ERBB4: variants seen among roughly 807,000 people sequenced by gnomAD.
The protein encoded by ERBB4 is erb-b2 receptor tyrosine kinase 4.
Under a neutral mutation model 158.0 loss-of-function variants are expected in ERBB4, and 42 were observed. That is an observed-to-expected ratio of 0.27 (90% CI 0.21 to 0.34). The LOEUF is 0.34. Ranked by LOEUF, ERBB4 falls within the 10% of genes least tolerant of loss-of-function variation. The pLI is 1.00. For synonymous variants in ERBB4, 583 were observed against 558.7 expected (o/e 1.04, Z -0.61); for missense variants, 1,333 against 1,624.1 (o/e 0.82, Z 3.08).
chr2:212,064,023 A>G (rs952493370), intron 2 of ERBB4, among the ~76,000 whole-genome samples: 1 of 152,170 alleles, frequency 6.6e-6, no homozygotes, highest in Non-Finnish European at 1.5e-5. Context: ...AGAGATATGT[A>G]TAAGACACAA....
chr2:212,457,912 T>C lies in ERBB4; in HGVS notation c.82+80537A>G, dbSNP rs963761472. Reference sequence around the variant, plus strand: ...GGCACCCTAGTAATATTTACAAGGATTTTTCTTTGCTAAGGTAAATATTTA... The same window carrying C: ...GGCACCCTAGTAATATTTACAAGGACTTTTCTTTGCTAAGGTAAATATTTA... On this transcript the variant is annotated intron_variant, in intron 1 of 27. Coordinates refer to ENST00000342788, the MANE Select transcript of ERBB4 (RefSeq NM_005235.3). Among the ~76,000 whole-genome samples, 4 of 152,024 alleles carry C rather than the reference T, an allele frequency of 2.6e-5. 1 individual carries two copies. Among genetic ancestry groups the C allele is most frequent in the Middle Eastern group, 6.3e-3 (2 of 316 alleles).
intron 3 of ERBB4, among the ~76,000 whole-genome samples, chr2:211,939,841 GGAGGTT>G (rs1467163148): frequency 6.6e-6 from 1 of 151,874 alleles, no homozygotes; most frequent in Non-Finnish European, 1.5e-5. Context: ...CAGCTACTTG[GGAGGTT>G]GAGGCAGGAG....
intron 1 of ERBB4, among the ~76,000 whole-genome samples, chr2:212,463,103 G>A (rs985681935): frequency 6.6e-6 from 1 of 152,080 alleles, no homozygotes; most frequent in Non-Finnish European, 1.5e-5. Flanking sequence ...AGGCTGGAGA[G>A]GATCATGGAA....
chr2:211,952,965 AT>A (rs1178575815), intron 2 of ERBB4, among the ~76,000 whole-genome samples: 3 of 152,008 alleles, frequency 2.0e-5, no homozygotes, highest in African/African-American at 7.2e-5. Context: ...TATCTTGCTT[AT>A]GCAATTTGCA....
chr2:212,376,991 C>T (rs1042293949), intron 1 of ERBB4, among the ~76,000 whole-genome samples: 4 of 151,838 alleles, frequency 2.6e-5, no homozygotes, highest in African/African-American at 9.7e-5. Flanking sequence ...GCTGTAGACA[C>T]AGAATTGTTG....
intron 1 of ERBB4, among the ~76,000 whole-genome samples, chr2:212,516,096 G>A (rs1691825165): frequency 6.6e-6 from 1 of 151,816 alleles, no homozygotes. Context: ...AAACATAATA[G>A]AAAGCATATC....
chr2:211,677,165 G>A (rs528355239), intron 13 of ERBB4, among the ~76,000 whole-genome samples: 74 of 152,068 alleles, frequency 4.9e-4, no homozygotes, highest in Middle Eastern at 3.4e-3. Context: ...TATTTTTCTC[G>A]TGTAAAATGC....
At chr2:212,316,507 G>A (rs1014508112) in intron 1 of ERBB4, among the ~76,000 whole-genome samples, 3 of 151,416 alleles carry the variant, frequency 2.0e-5, no homozygotes, top group Non-Finnish European at 4.4e-5. Context: ...ATGGAAATTC[G>A]CATTCACGCT....
At chr2:211,615,792 C>A (rs2069363812) in intron 19 of ERBB4, among the ~76,000 whole-genome samples, 1 of 151,918 alleles carries the variant, frequency 6.6e-6, no homozygotes, top group Admixed American at 6.6e-5. Flanking sequence ...ATTATAATAA[C>A]CAGTAAAGCA....
chr2:211,967,513 T>G (rs955793684), intron 2 of ERBB4, among the ~76,000 whole-genome samples: 3 of 152,030 alleles, frequency 2.0e-5, no homozygotes, highest in Non-Finnish European at 4.4e-5. Flanking sequence ...AATGAAGAGT[T>G]ACTCAAGAAT....
chr2:211,413,723 G>T lies in ERBB4; in HGVS notation c.3135+6718C>A, dbSNP rs531576060. Among the ~76,000 whole-genome samples, 71 of 151,886 alleles carry T rather than the reference G, an allele frequency of 4.7e-4. 1 individual carries two copies. The highest frequency in any genetic ancestry group is 4.4e-3 in the Admixed American group (67 of 15,296). ...AAAAGTTATGCATAGAGGCGATGCA[G>T]GATTTTTTTTGCTCCTTAGCTCAGC... is the stretch of plus-strand genomic sequence containing the variant. On this transcript the variant is annotated intron_variant, in intron 25 of 27. Transcript: ENST00000342788.
intron 1 of ERBB4, among the ~76,000 whole-genome samples, chr2:212,278,842 C>A (rs185437040): frequency 1.3e-5 from 2 of 151,348 alleles, no homozygotes; most frequent in African/African-American, 4.8e-5. Context: ...CTTTATAATC[C>A]CAATTAACAT....
intron 3 of ERBB4, among the ~76,000 whole-genome samples, chr2:211,796,456 A>T (rs913195025): frequency 1.3e-5 from 2 of 151,974 alleles, no homozygotes; most frequent in African/African-American, 4.8e-5. Context: ...TTATATGTAC[A>T]CATTTATGTT....
intron 1 of ERBB4, among the ~76,000 whole-genome samples, chr2:212,524,016 G>A (rs1046728321): frequency 2.0e-5 from 3 of 151,818 alleles, no homozygotes; most frequent in African/African-American, 4.8e-5. Context: ...CTAATCCCTC[G>A]TATATGTAAC....
intron 7 of ERBB4, among the ~76,000 whole-genome samples, chr2:211,720,419 C>A (rs1417745622): frequency 6.6e-6 from 1 of 152,158 alleles, no homozygotes; most frequent in Non-Finnish European, 1.5e-5. Context: ...TCAGTGATGA[C>A]CTTGGCAAAC....
chr2:212,022,562 A>G (rs957876247), intron 2 of ERBB4, among the ~76,000 whole-genome samples: 3 of 152,036 alleles, frequency 2.0e-5, no homozygotes, highest in African/African-American at 7.2e-5. Flanking sequence ...AGCATCAGGA[A>G]AAAGAGCTAA....
chr2:212,109,955 G>A (rs778328484), intron 2 of ERBB4, among the ~76,000 whole-genome samples: 1 of 151,652 alleles, frequency 6.6e-6, no homozygotes, highest in African/African-American at 2.4e-5. Context: ...AGTCACTTCA[G>A]AATTTCCTGA....
At chr2:211,790,068 A>G (rs1398272860) in intron 3 of ERBB4, among the ~76,000 whole-genome samples, 1 of 152,010 alleles carries the variant, frequency 6.6e-6, no homozygotes, top group African/African-American at 2.4e-5. Context: ...TAACCATACA[A>G]CCTTCATCAA....
intron 20 of ERBB4, 31 bp downstream of exon 20, chr2:211,561,872 G>A: frequency 6.3e-7 from 1 of 1,581,826 alleles, no homozygotes; most frequent in Non-Finnish European, 8.7e-7. Flanking sequence ...ACCTAAAAAT[G>A]TAATTTCCAT....
Sources: allele counts gnomAD v4.1 joint callset (sites outside exome capture counted in the v4.1 genomes callset), GRCh38; gene constraint gnomAD v4.1.1; transcripts MANE v1.5; gene names NCBI Gene and HGNC (gene_info 2026-07-23, HGNC 2026-07-21).